Variants in DNM2 observed in about 807,000 individuals in gnomAD.
DNM2 encodes dynamin-2.
In DNM2, 15 loss-of-function variants were observed where a neutral mutation model predicts 99.0. The ratio of observed to expected loss-of-function variants is 0.15; its 90% CI spans 0.10 to 0.23. The LOEUF (loss-of-function observed/expected upper bound fraction) is 0.23, where lower values mean the gene tolerates loss of function less well. Among genes scored for constraint, DNM2 ranks in the 10% least tolerant of loss-of-function variants. The pLI, the probability that DNM2 is intolerant of heterozygous loss-of-function variation, is 1.00. For missense variants in DNM2, 742 were observed against 1,189.4 expected (o/e 0.62, Z 5.53); for synonymous variants, 525 against 481.2 (o/e 1.09, Z -1.19).
In DNM2 at chr19:10,817,190, A is replaced by T. The variant is rs189333595; in HGVS notation, c.1672-2790A>T. Reference sequence around the variant, plus strand: ...ATCAATATCTCTTTATTTAAAAAATAAACAAGACATTTACAGCCATGGGGT... The same window carrying T: ...ATCAATATCTCTTTATTTAAAAAATTAACAAGACATTTACAGCCATGGGGT... On this transcript the variant is annotated intron_variant, in intron 15 of 20. Coordinates refer to ENST00000389253, the MANE Select transcript of DNM2 (RefSeq NM_001005361.3). The surrounding 1 kb of genome is among the most constrained non-coding windows in gnomAD (Gnocchi z 4.6). 2.7e-4 allele frequency among the ~76,000 whole-genome samples: 41 copies of T among 152,214 alleles called. No individual in the cohort carries two copies. The highest frequency in any genetic ancestry group is 5.9e-5 in the Non-Finnish European group (4 of 68,030).
rs1488511444 is a variant in DNM2, at chr19:10,812,934, C to T, written c.1671+557C>T. On this transcript the variant is annotated intron_variant, in intron 15 of 20. Coordinates refer to ENST00000389253, the MANE Select transcript of DNM2 (RefSeq NM_001005361.3). The surrounding 1 kb of genome is among the most constrained non-coding windows in gnomAD (Gnocchi z 4.0). The stretch of plus-strand genomic sequence containing the variant: ...AGATGGAGGGTGATGGAGTCACTAG[C>T]AGGCTAGAAACAGGCCCTGACCTCC... 1.3e-5 allele frequency among the ~76,000 whole-genome samples: 2 copies of T among 152,224 alleles called. No homozygotes were observed. Among genetic ancestry groups the T allele is most frequent in the Admixed American group, 1.3e-4 (2 of 15,290 alleles).
chr19:10,792,113 A>T (rs2071773814), intron 7 of DNM2, among the ~76,000 whole-genome samples: 1 of 152,104 alleles, frequency 6.6e-6, no homozygotes, highest in South Asian at 2.1e-4. Flanking sequence ...AAAAAAACAA[A>T]TTCCCCATTC....
chr19:10,830,850 C>A lies in DNM2; in HGVS notation c.2544-128C>A. 8.5e-7 allele frequency: 1 copy of A among 1,176,956 alleles called. No individual in the cohort carries two copies. The highest frequency in any genetic ancestry group is 1.2e-6 in the Non-Finnish European group (1 of 854,220). The allele number at this position is 1,176,956 out of a possible 1,614,324, so 72.9% of individuals were successfully genotyped here. A position where few individuals can be genotyped will look rare whatever the true frequency, so the allele number is the denominator to read the frequency against. ...TCCTGCCCGACACCCTGGTGGCTTGCGGAGGTCAGCCTGGGAACACCCTGG... is the reference window on the plus strand; with the variant it reads ...TCCTGCCCGACACCCTGGTGGCTTGAGGAGGTCAGCCTGGGAACACCCTGG... On this transcript the variant is annotated intron_variant, in intron 20 of 20. Coordinates refer to ENST00000389253, the MANE Select transcript of DNM2 (RefSeq NM_001005361.3). This position sits in a 1 kb window ranked among gnomAD's most constrained non-coding sequence, Gnocchi z 4.8.
In DNM2 at chr19:10,831,007, C is replaced by T. The variant is rs2146214048; in HGVS notation, c.2573C>T (p.Pro858Leu). The T allele has an allele frequency of 6.2e-7, 1 of 1,611,812 alleles. No individual in the cohort carries two copies. The highest frequency in any genetic ancestry group is 8.5e-7 in the Non-Finnish European group (1 of 1,179,120). Residue 858 changes from proline (P) to leucine (L), a missense_variant, in exon 21 of 21, where the codon CCC becomes CTC. Physicochemically the swap from Pro to Leu is moderately conservative, Grantham distance 98 (BLOSUM62 -3). Transcript: ENST00000389253. This position sits in a 1 kb window ranked among gnomAD's most constrained non-coding sequence, Gnocchi z 4.3. The stretch of plus-strand genomic sequence containing the variant: ...AGACCCCCTGCTGCGCCCAGCCGGC[C>T]CACCATTATCCGCCCAGCCGAGCCA... ...SRRPPAAPSR[P>L]TIIRPAEPSL... is the part of the protein sequence containing the mutation.
At chr19:10,780,658 T>C (rs1183400748) in intron 5 of DNM2, among the ~76,000 whole-genome samples, 1 of 152,142 alleles carries the variant, frequency 6.6e-6, no homozygotes, top group African/African-American at 2.4e-5. Flanking sequence ...CTAGGCGTGG[T>C]GGCTCATGCC....
Position 10,831,843 on chromosome 19 carries a change from G to GTA in DNM2, c.*797_*798dup. 2.0e-6 allele frequency: 2 copies of GTA among 996,890 alleles called. No homozygotes were observed. Among genetic ancestry groups the GTA allele is most frequent in the Non-Finnish European group, 2.4e-6 (2 of 836,812 alleles). 61.8% of individuals were successfully genotyped at this position (996,890 alleles called of 1,614,324 possible). A position where few individuals can be genotyped will look rare whatever the true frequency, so the allele number is the denominator to read the frequency against. ...CCACTCCTCGCTCAGTTTGACCACTGTAAGTGCCTGCACTCTGTATTCTAT... is the reference window on the plus strand; with the variant it reads ...CCACTCCTCGCTCAGTTTGACCACTGTATAAGTGCCTGCACTCTGTATTCTAT... On this transcript the variant is annotated 3_prime_UTR_variant, in exon 21 of 21. Coordinates refer to ENST00000389253, the MANE Select transcript of DNM2 (RefSeq NM_001005361.3). The surrounding 1 kb of genome is among the most constrained non-coding windows in gnomAD (Gnocchi z 4.3).
At chr19:10,726,184 A>AGT (rs1434432728) in intron 1 of DNM2, among the ~76,000 whole-genome samples, 2,007 of 148,500 alleles carry the variant, frequency 0.014, 24 homozygotes, top group Middle Eastern at 0.048. Context: ...GTGCCACTGC[A>AGT]CTCCAGCCTG....
intron 12 of DNM2, among the ~76,000 whole-genome samples, chr19:10,803,343 G>A (rs2072221384): frequency 1.3e-5 from 2 of 152,178 alleles, no homozygotes. Flanking sequence ...TAGGTGAGGA[G>A]AAGGGAGGAA....
At chr19:10,747,269 C>A (rs2070023193) in intron 1 of DNM2, among the ~76,000 whole-genome samples, 1 of 152,104 alleles carries the variant, frequency 6.6e-6, no homozygotes, top group Non-Finnish European at 1.5e-5. Context: ...TGGCATCATT[C>A]CCACATAACA....
chr19:10,791,334 T>A (rs1280905404), intron 7 of DNM2, among the ~76,000 whole-genome samples: 1 of 152,064 alleles, frequency 6.6e-6, no homozygotes, highest in African/African-American at 2.4e-5. Context: ...GCGATCCTCC[T>A]ACCTCAGCTT....
At position 10,772,757 on chromosome 19, in the gene DNM2, C is replaced by T; in HGVS notation, c.385+129C>T. The T allele has an allele frequency of 7.3e-7, 1 of 1,365,986 alleles. No individual in the cohort carries two copies. Among genetic ancestry groups the T allele is most frequent in the Non-Finnish European group, 1.0e-6 (1 of 987,472 alleles). 84.6% of individuals were successfully genotyped at this position (1,365,986 alleles called of 1,614,324 possible). On this transcript the variant is annotated intron_variant, in intron 3 of 20. Transcript: ENST00000389253. This position sits in a 1 kb window ranked among gnomAD's most constrained non-coding sequence, Gnocchi z 4.9. ...TTCACAAACAGTTGATATTCACACA[C>T]ACATAGCCCCTTGATCTGTATCTTC...
chr19:10,731,319 A>G (rs893854067), intron 1 of DNM2, among the ~76,000 whole-genome samples: 1 of 150,964 alleles, frequency 6.6e-6, no homozygotes, highest in Non-Finnish European at 1.5e-5. Flanking sequence ...AGCCACCAGG[A>G]CACTGCCTTT....
intron 1 of DNM2, among the ~76,000 whole-genome samples, chr19:10,736,728 T>G (rs908840208): frequency 6.6e-6 from 1 of 152,120 alleles, no homozygotes; most frequent in Non-Finnish European, 1.5e-5. Context: ...TAACTGTGTA[T>G]TATTCCATCC....
At chr19:10,823,655 T>C in intron 16 of DNM2, 133 bp from the exon 17 acceptor site, 1 of 798,096 alleles carries the variant, frequency 1.3e-6, no homozygotes. Context: ...CCCCTCAGCA[T>C]GACCAGGTGA....
Position 10,823,906 on chromosome 19 carries a change from A to C in DNM2, c.1893+7A>C. 1 of 1,612,718 alleles carries C rather than the reference A, an allele frequency of 6.2e-7. No individual in the cohort carries two copies. ...CTACCCCGAGAAGGACCAGGTGAGGAGCCGTCCTGCGCAGCCAGGCCCAGA... is the reference window on the plus strand; with the variant it reads ...CTACCCCGAGAAGGACCAGGTGAGGCGCCGTCCTGCGCAGCCAGGCCCAGA... On this transcript the variant is annotated splice_region_variant and intron_variant, in intron 17 of 20. Coordinates refer to ENST00000389253, the MANE Select transcript of DNM2 (RefSeq NM_001005361.3).
At chr19:10,799,277 C>T (rs11881315) in intron 11 of DNM2, among the ~76,000 whole-genome samples, 26,592 of 152,020 alleles carry the variant, frequency 0.17, 2,415 homozygotes, top group Middle Eastern at 0.24. Flanking sequence ...ACCACCAGCC[C>T]GCTCCCTATC....
Position 10,775,577 on chromosome 19 carries a change from T to C in DNM2, c.386-126T>C. The C allele has an allele frequency of 9.9e-7, 1 of 1,008,382 alleles. No homozygotes were observed. The highest frequency in any genetic ancestry group is 1.6e-6 in the Non-Finnish European group (1 of 636,552). 62.5% of individuals were successfully genotyped at this position (1,008,382 alleles called of 1,614,324 possible). On this transcript the variant is annotated intron_variant, in intron 3 of 20. Coordinates refer to ENST00000389253, the MANE Select transcript of DNM2 (RefSeq NM_001005361.3). This position sits in a 1 kb window ranked among gnomAD's most constrained non-coding sequence, Gnocchi z 4.3. ...GATCAAAGGTGTGGTTCAGGCAGAG[T>C]GTCAGGCGACATCCTCAAGTCTGAG...
chr19:10,806,666 G>A (rs62131824), intron 13 of DNM2, among the ~76,000 whole-genome samples: 7,322 of 152,020 alleles, frequency 0.048, 211 homozygotes, highest in Non-Finnish European at 0.062. Context: ...GGTGGCACGC[G>A]CCTGTAATCC....
intron 1 of DNM2, among the ~76,000 whole-genome samples, chr19:10,735,330 G>C (rs62131782): frequency 0.038 from 5,771 of 152,060 alleles, 161 homozygotes; most frequent in Non-Finnish European, 0.06. Flanking sequence ...AAGCCACCTC[G>C]TCCAGCCATC....
Sources: gnomAD v4.1 joint callset for allele counts (sites outside exome capture counted in the v4.1 genomes callset) on GRCh38, gnomAD v4.1.1 for gene constraint, Gnocchi (gnomAD v3.1) non-coding constraint, MANE v1.5 for transcripts, NCBI Gene and HGNC (gene_info 2026-07-23, HGNC 2026-07-21) for gene names.